Variants in MTF2 observed in about 807,000 individuals in gnomAD.
The protein encoded by MTF2 is metal response element binding transcription factor 2, also known as metal-response element-binding transcription factor 2.
Under a neutral mutation model 79.5 loss-of-function variants are expected in MTF2, and 11 were observed. The observed-to-expected ratio is 0.14, with a 90% confidence interval of 0.09 to 0.23. The LOEUF (loss-of-function observed/expected upper bound fraction) is 0.23. MTF2 is among the 10% of genes least tolerant of loss of function. MTF2 has a pLI of 1.00. For synonymous variants in MTF2, 208 were observed against 232.8 expected, an observed-to-expected ratio of 0.89 and a Z score of 0.97; for missense variants, 486 against 711.2, an observed-to-expected ratio of 0.68 and a Z score of 3.60.
chr1:93,133,748 A>G lies in MTF2; in HGVS notation c.1206A>G (p.Val402=). Residue 402 remains valine, a synonymous_variant, in exon 12 of 15, where the codon GTA becomes GTG. Coordinates refer to ENST00000370298, the MANE Select transcript of MTF2 (RefSeq NM_007358.4). ...GIEKKGKKKS[V]GRPPGPYTRK... is the part of the protein sequence containing the mutation. ...AAAAAAAAGGAAAGAAAAAATCTGT[A>G]GGTCGTCCACCTGGCCCATATACAA... 1 of 1,612,550 alleles carries G rather than the reference A, an allele frequency of 6.2e-7. No homozygotes were observed. The highest frequency in any genetic ancestry group is 8.5e-7 in the Non-Finnish European group (1 of 1,179,486).
chr1:93,096,813 T>TCTTTTTC (rs56184263), intron 1 of MTF2, among the ~76,000 whole-genome samples: 1 of 105,930 alleles, frequency 9.4e-6, no homozygotes, highest in Admixed American at 1.1e-4. Flanking sequence ...TTTTTCTTTT[T>TCTTTTTC]TTTTTTTTTT....
At chr1:93,091,590 T>C (rs746083620) in intron 1 of MTF2, among the ~76,000 whole-genome samples, 1 of 152,234 alleles carries the variant, frequency 6.6e-6, no homozygotes, top group African/African-American at 2.4e-5. Flanking sequence ...GTGGAGATAG[T>C]GTACTGACAA....
At position 93,136,848 on chromosome 1, in the gene MTF2, C is replaced by T; in HGVS notation, c.1603C>T (p.Leu535=). 1 of 1,614,152 alleles carries T rather than the reference C, an allele frequency of 6.2e-7. No homozygotes were observed. Among genetic ancestry groups the T allele is most frequent in the Non-Finnish European group, 8.5e-7 (1 of 1,180,022 alleles). ...GTTTGATGAACTCAACACAGAGATT[C>T]TGAATAACTTAGCAGATCAGGAGTT... The part of the protein sequence containing the change: ...YQFDELNTEI[L]NNLADQELQL... The change falls in exon 15 of 15, where the codon CTG becomes TTG. Residue 535 remains leucine (L), a synonymous_variant. Transcript: ENST00000370298.
At chr1:93,102,874 G>A (rs917906851) in intron 1 of MTF2, among the ~76,000 whole-genome samples, 1 of 152,036 alleles carries the variant, frequency 6.6e-6, no homozygotes, top group Admixed American at 6.5e-5. Flanking sequence ...GCTCACGCCT[G>A]TAATCCCAGC....
At chr1:93,133,568 C>CA in intron 11 of MTF2, 135 bp from the exon 12 acceptor site, 1 of 356,138 alleles carries the variant, frequency 2.8e-6, no homozygotes, top group Non-Finnish European at 4.8e-6. Flanking sequence ...CTTGTGGATT[C>CA]AACTAATATT....
At chr1:93,108,245 A>G (rs1228581802) in intron 1 of MTF2, among the ~76,000 whole-genome samples, 1 of 151,990 alleles carries the variant, frequency 6.6e-6, no homozygotes. Context: ...GCTGTCTTTT[A>G]TAATTACTTT....
At chr1:93,104,102 C>CTTTTTT (rs781525518) in intron 1 of MTF2, among the ~76,000 whole-genome samples, 3 of 125,420 alleles carry the variant, frequency 2.4e-5, no homozygotes, top group African/African-American at 6.4e-5. Flanking sequence ...CTACACCCAG[C>CTTTTTT]TTTTTTTTTT....
intron 1 of MTF2, among the ~76,000 whole-genome samples, chr1:93,088,942 C>G (rs1241465085): frequency 6.6e-6 from 1 of 151,966 alleles, no homozygotes; most frequent in Non-Finnish European, 1.5e-5. Context: ...TTTGTGATCA[C>G]AAAAATACAT....
intron 10 of MTF2, among the ~76,000 whole-genome samples, chr1:93,128,417 C>T (rs1453459052): frequency 1.3e-5 from 2 of 151,852 alleles, no homozygotes; most frequent in Non-Finnish European, 2.9e-5. Flanking sequence ...AATAGCCAGG[C>T]ATGTTGGTGC....
At chr1:93,102,940 G>A (rs1294153095) in intron 1 of MTF2, among the ~76,000 whole-genome samples, 10 of 152,150 alleles carry the variant, frequency 6.6e-5, no homozygotes, top group Non-Finnish European at 1.3e-4. Context: ...GACCAGCCTG[G>A]CCAACATAGT....
chr1:93,121,385 AACT>A, intron 9 of MTF2: 1 of 804,924 alleles, frequency 1.2e-6, no homozygotes, highest in Non-Finnish European at 1.5e-6. Flanking sequence ...TACATATATT[AACT>A]ACTTTTAGTT....
intron 1 of MTF2, among the ~76,000 whole-genome samples, chr1:93,101,913 AT>A (rs1282576336): frequency 6.6e-6 from 1 of 152,112 alleles, no homozygotes; most frequent in African/African-American, 2.4e-5. Flanking sequence ...GTTCACTGAT[AT>A]TAAATACATT....
intron 1 of MTF2, among the ~76,000 whole-genome samples, chr1:93,088,458 C>CAT (rs1273204385): frequency 1.6e-4 from 25 of 152,162 alleles, no homozygotes; most frequent in African/African-American, 4.3e-4. Flanking sequence ...TACCAGTTGT[C>CAT]ATATTGGCTT....
intron 1 of MTF2, among the ~76,000 whole-genome samples, chr1:93,095,803 A>C (rs532932437): frequency 6.6e-6 from 1 of 151,564 alleles, no homozygotes; most frequent in East Asian, 1.9e-4. Flanking sequence ...CTACAGGTGC[A>C]TGCCACCACA....
intron 11 of MTF2, among the ~76,000 whole-genome samples, chr1:93,130,847 T>A (rs1294593002): frequency 6.6e-6 from 1 of 152,104 alleles, no homozygotes; most frequent in Non-Finnish European, 1.5e-5. Context: ...GAGCAACTGG[T>A]GGGTGGTTAA....
chr1:93,115,762 C>A, intron 6 of MTF2, 144 bp downstream of exon 6: 2 of 559,662 alleles, frequency 3.6e-6, no homozygotes, highest in Non-Finnish European at 5.6e-6. Flanking sequence ...CTATTATTTT[C>A]ATAAAAAAAT....
Position 93,133,742 on chromosome 1 carries a change from A to G in MTF2, c.1200A>G (p.Lys400=), listed in dbSNP as rs1325208339. 9.3e-6 allele frequency: 15 copies of G among 1,612,282 alleles called. No homozygotes were observed. In the South Asian group the frequency reaches 1.3e-4, roughly 14 times the overall value. ...GCATAGAAAAAAAAGGAAAGAAAAAATCTGTAGGTCGTCCACCTGGCCCAT... is the reference window on the plus strand; with the variant it reads ...GCATAGAAAAAAAAGGAAAGAAAAAGTCTGTAGGTCGTCCACCTGGCCCAT... ...SNGIEKKGKK[K]SVGRPPGPYT... The change falls in exon 12 of 15, where the codon AAA becomes AAG. Residue 400 remains lysine, a synonymous_variant. Coordinates refer to ENST00000370298, the MANE Select transcript of MTF2 (RefSeq NM_007358.4).
intron 3 of MTF2, among the ~76,000 whole-genome samples, chr1:93,113,066 C>A (rs1320588625): frequency 6.6e-6 from 1 of 152,080 alleles, no homozygotes; most frequent in Non-Finnish European, 1.5e-5. Flanking sequence ...CTATGGGAGA[C>A]CACCTTCAAC....
chr1:93,084,282 C>A (rs1033669259), intron 1 of MTF2, among the ~76,000 whole-genome samples: 14 of 152,050 alleles, frequency 9.2e-5, no homozygotes, highest in Non-Finnish European at 1.8e-4. Flanking sequence ...ACAATCTTGT[C>A]AAAAATAAAT....
Sources: gnomAD v4.1 joint callset for allele counts (sites outside exome capture counted in the v4.1 genomes callset) on GRCh38, gnomAD v4.1.1 for gene constraint, MANE v1.5 for transcripts, NCBI Gene and HGNC (gene_info 2026-07-23, HGNC 2026-07-21) for gene names.